NAB2: variants seen among roughly 807,000 people sequenced by gnomAD.
NAB2 encodes NGFI-A binding protein 2.
In NAB2, 9 loss-of-function variants were observed where a neutral mutation model predicts 44.2. The ratio of observed to expected loss-of-function variants is 0.20; its 90% confidence interval spans 0.12 to 0.36. The LOEUF (loss-of-function observed/expected upper bound fraction) is 0.36. Among genes scored for constraint, NAB2 ranks in the 10% least tolerant of loss-of-function variants. The probability of loss-of-function intolerance (pLI) is 1.00; values close to 1 mark genes in which losing one functional copy is unlikely to be tolerated. For missense variants in NAB2, 514 were observed against 709.0 expected (o/e 0.73, Z 3.12); for synonymous variants, 342 against 291.0 (o/e 1.18, Z -1.78).
At chr12:57,093,342 A>G (rs1352411506) in intron 5 of NAB2, 65 bp from the exon 6 acceptor site, 3 of 1,469,600 alleles carry the variant, frequency 2.0e-6, no homozygotes, top group Middle Eastern at 1.8e-4. Context: ...TGGGCTGGCT[A>G]TGTGGTTGAG....
chr12:57,091,317 G>A lies in NAB2; in HGVS notation c.276G>A (p.Lys92=). ...EIMALVGMAT[K]PLHVRRLQKA... is the part of the protein sequence containing the mutation. ...TGGCACTTGTGGGCATGGCCACCAA[G>A]CCCCTCCATGTCCGGCGCCTGCAGA... The change falls in exon 2 of 7, where the codon AAG becomes AAA. Residue 92 remains lysine (K), a synonymous_variant. Coordinates refer to ENST00000300131, the MANE Select transcript of NAB2 (RefSeq NM_005967.4). The surrounding 1 kb of genome is among the most constrained non-coding windows in gnomAD (Gnocchi z 7.3). 4 of 1,612,538 alleles carry A rather than the reference G, an allele frequency of 2.5e-6. No individual in the cohort carries two copies. Among genetic ancestry groups the A allele is most frequent in the Non-Finnish European group, 3.4e-6 (4 of 1,178,618 alleles).
Position 57,091,088 on chromosome 12 carries a change from G to C in NAB2, c.84-37G>C, listed in dbSNP as rs747017569. On this transcript the variant is annotated intron_variant, in intron 1 of 6. Coordinates refer to ENST00000300131, the MANE Select transcript of NAB2 (RefSeq NM_005967.4). The surrounding 1 kb of genome is among the most constrained non-coding windows in gnomAD (Gnocchi z 7.3). ...GGGTTGGTACCCAGTAGGGGGACTT[G>C]CACCGACTGCCTCTCTCTTGTGCCC... 8 of 1,484,800 alleles carry C rather than the reference G, an allele frequency of 5.4e-6. No individual in the cohort carries two copies. Among genetic ancestry groups the C allele is most frequent in the South Asian group, 2.7e-5 (2 of 72,936 alleles). 92.0% of individuals were successfully genotyped at this position (1,484,800 alleles called of 1,614,324 possible). A position where few individuals can be genotyped will look rare whatever the true frequency, so the allele number is the denominator to read the frequency against.
At chr12:57,094,501 C>A in intron 6 of NAB2, 111 bp from the exon 7 acceptor site, 1 of 875,300 alleles carries the variant, frequency 1.1e-6, no homozygotes, top group Non-Finnish European at 1.8e-6. Flanking sequence ...ATTCAATAAA[C>A]CTAAACTGAG....
Position 57,091,726 on chromosome 12 carries a change from G to C in NAB2, c.685G>C (p.Gly229Arg). The change falls in exon 2 of 7, where the codon GGG becomes CGG. Residue 229 changes from glycine (G) to arginine (R), a missense_variant. Gly to Arg is a moderately radical substitution (Grantham distance 125). Transcript: ENST00000300131. This position sits in a 1 kb window ranked among gnomAD's most constrained non-coding sequence, Gnocchi z 7.3. ...TGGGGCTGGGGGGCTGGCAGCAGGT[G>C]GGACTGGGGGTGGTCCAGACCGACT... ...GTGAGGLAAG[G>R]TGGGPDRLEP... The C allele has an allele frequency of 6.2e-7, 1 of 1,614,034 alleles. No individual in the cohort carries two copies. Among genetic ancestry groups the C allele is most frequent in the Non-Finnish European group, 8.5e-7 (1 of 1,179,904 alleles).
At chr12:57,090,299 C>T (rs1332733041) in intron 1 of NAB2, among the ~76,000 whole-genome samples, 1 of 152,154 alleles carries the variant, frequency 6.6e-6, no homozygotes, top group Non-Finnish European at 1.5e-5. Context: ...GCCTGACCAA[C>T]ATGGTGAAAC....
At chr12:57,094,193 C>T (rs2033276431) in intron 6 of NAB2, among the ~76,000 whole-genome samples, 1 of 150,466 alleles carries the variant, frequency 6.6e-6, no homozygotes, top group Admixed American at 6.7e-5. Context: ...TCCTGTTCTC[C>T]CTCTGATTTG....
At chr12:57,092,245 G>A in intron 2 of NAB2, 1 of 997,976 alleles carries the variant, frequency 1.0e-6, no homozygotes, top group Non-Finnish European at 1.4e-6. Context: ...CCACAGGAGA[G>A]GAGGAGGCCC....
At position 57,091,418 on chromosome 12, in the gene NAB2, C is replaced by T. The variant is rs1419402398; in HGVS notation, c.377C>T (p.Pro126Leu). ...PVPAVPVSSI[P>L]LFKISETAGT... is the part of the protein sequence containing the mutation. ...CCTGCTGTTCCCGTCTCCAGCATCC[C>T]GCTCTTCAAGATCTCTGAGACTGCG... Residue 126 changes from proline (P) to leucine (L), a missense_variant, in exon 2 of 7, where the codon CCG becomes CTG. Pro to Leu is a moderately conservative substitution (Grantham distance 98, BLOSUM62 -3). Around this residue, in one of 5 missense-constraint regions of NAB2, gnomAD observed 34 missense variants for 130.5 expected, o/e 0.26. Transcript: ENST00000300131. The surrounding 1 kb of genome is among the most constrained non-coding windows in gnomAD (Gnocchi z 7.3). The T allele has an allele frequency of 1.2e-6, 2 of 1,614,104 alleles. No individual in the cohort carries two copies. The highest frequency in any genetic ancestry group is 1.3e-5 in the African/African-American group (1 of 74,950).
In NAB2 at chr12:57,089,218, A is replaced by AGGCGCCGAGCGCCG; in HGVS notation, c.-50_-37dup. On this transcript the variant is annotated 5_prime_UTR_variant, in exon 1 of 7. Transcript: ENST00000300131. ...CGCGGGGAAGAGGGCAGCACGCAGC[A>AGGCGCCGAGCGCCG]GGCGCCGAGCGCCGGGCACCGAGAA... 1 of 1,528,936 alleles carries AGGCGCCGAGCGCCG rather than the reference A, an allele frequency of 6.5e-7. No individual in the cohort carries two copies. Among genetic ancestry groups the AGGCGCCGAGCGCCG allele is most frequent in the East Asian group, 2.4e-5 (1 of 41,124 alleles). The allele number at this position is 1,528,936 out of a possible 1,614,324, so 94.7% of individuals were successfully genotyped here.
rs1314988151 is a variant in NAB2, at chr12:57,091,618, T to G, written c.577T>G (p.Ser193Ala). Reference sequence around the variant, plus strand: ...CTGGCCAGGCCGGAGCACTCCAGAGTCGGACGTTGGGGCAGGAGGAGAAGA... The same window carrying G: ...CTGGCCAGGCCGGAGCACTCCAGAGGCGGACGTTGGGGCAGGAGGAGAAGA... ...RIWPGRSTPE[S>A]DVGAGGEEEA... Residue 193 changes from serine to alanine, a missense_variant, in exon 2 of 7, where the codon TCG becomes GCG. This residue lies in a region of NAB2 where 177 missense variants were observed against 200.5 expected (regional missense o/e 0.88). Coordinates refer to ENST00000300131, the MANE Select transcript of NAB2 (RefSeq NM_005967.4). The surrounding 1 kb of genome is among the most constrained non-coding windows in gnomAD (Gnocchi z 7.3). The G allele has an allele frequency of 3.7e-6, 6 of 1,603,670 alleles. No individual in the cohort carries two copies. Among genetic ancestry groups the G allele is most frequent in the Non-Finnish European group, 5.1e-6 (6 of 1,174,284 alleles).
rs1253512756 is a variant in NAB2, at chr12:57,094,925, G to C, written c.*204G>C. On this transcript the variant is annotated 3_prime_UTR_variant, in exon 7 of 7. Coordinates refer to ENST00000300131, the MANE Select transcript of NAB2 (RefSeq NM_005967.4). Reference sequence around the variant, plus strand: ...TGGAGAGAGGACACAAGGAGGGTGCGTGGTGCCCTCACCCCTGCCCAGAGC... The same window carrying C: ...TGGAGAGAGGACACAAGGAGGGTGCCTGGTGCCCTCACCCCTGCCCAGAGC... 5 of 584,656 alleles carry C rather than the reference G, an allele frequency of 8.6e-6. No homozygotes were observed. 36.2% of individuals were successfully genotyped at this position (584,656 alleles called of 1,614,324 possible). A position where few individuals can be genotyped will look rare whatever the true frequency, so the allele number is the denominator to read the frequency against.
In NAB2 at chr12:57,090,809, C is replaced by T. The variant is rs567901960; in HGVS notation, c.84-316C>T. Among the ~76,000 whole-genome samples the T allele has an allele frequency of 5.3e-4, 81 of 152,342 alleles. 1 individual carries two copies. The highest frequency in any genetic ancestry group is 1.9e-3 in the African/African-American group (78 of 41,578). ...CCAGGTCGGTGCTGGTCAGCCTCAG[C>T]GCTCAAGTTCTTCTTGCCCCAGACC... is the stretch of plus-strand genomic sequence containing the variant. On this transcript the variant is annotated intron_variant, in intron 1 of 6. Coordinates refer to ENST00000300131, the MANE Select transcript of NAB2 (RefSeq NM_005967.4).
Position 57,091,852 on chromosome 12 carries a change from A to C in NAB2, c.811A>C (p.Asn271His). ...AGEVTSLLKL[N>H]KKLARSVGHI... ...GGAGGTCACATCCCTGCTAAAGCTG[A>C]ATAAGAAGCTGGCACGGAGCGTTGG... is the stretch of plus-strand genomic sequence containing the variant. The change falls in exon 2 of 7, where the codon AAT (asparagine) becomes CAT (histidine). Residue 271 changes from asparagine to histidine, a missense_variant. Around this residue, in one of 5 missense-constraint regions of NAB2, gnomAD observed 177 missense variants for 200.5 expected, o/e 0.88. Transcript: ENST00000300131. This position sits in a 1 kb window ranked among gnomAD's most constrained non-coding sequence, Gnocchi z 7.3. 1 of 1,614,184 alleles carries C rather than the reference A, an allele frequency of 6.2e-7. No homozygotes were observed. Among genetic ancestry groups the C allele is most frequent in the Non-Finnish European group, 8.5e-7 (1 of 1,180,006 alleles).
Position 57,089,219 on chromosome 12 carries a change from GGCGCCGA to G in NAB2, c.-46_-40del. On this transcript the variant is annotated 5_prime_UTR_variant, in exon 1 of 7. Coordinates refer to ENST00000300131, the MANE Select transcript of NAB2 (RefSeq NM_005967.4). ...GCGGGGAAGAGGGCAGCACGCAGCA[GGCGCCGA>G]GCGCCGGGCACCGAGAAGGGCAGCC... is the stretch of plus-strand genomic sequence containing the variant. The G allele has an allele frequency of 2.0e-6, 3 of 1,534,906 alleles. No individual in the cohort carries two copies. Among genetic ancestry groups the G allele is most frequent in the Admixed American group, 2.0e-5 (1 of 50,922 alleles).
intron 2 of NAB2, 138 bp from the exon 3 acceptor site, chr12:57,092,310 C>G: frequency 7.7e-7 from 1 of 1,299,496 alleles, no homozygotes; most frequent in Non-Finnish European, 1.1e-6. Context: ...CCTCAGAAAG[C>G]TCCCATGTAG....
chr12:57,094,469 A>C (rs896438738), intron 6 of NAB2, 143 bp from the exon 7 acceptor site: 5 of 704,880 alleles, frequency 7.1e-6, no homozygotes, highest in Non-Finnish European at 1.3e-5. Context: ...CCCCATACAC[A>C]TGCAGTGGGC....
chr12:57,092,370 G>C, intron 2 of NAB2, 78 bp from the exon 3 acceptor site: 1 of 1,562,432 alleles, frequency 6.4e-7, no homozygotes, highest in Non-Finnish European at 8.7e-7. Flanking sequence ...TTGTCCAATG[G>C]TGAAGGGGTG....
intron 2 of NAB2, chr12:57,092,203 C>T: frequency 9.4e-7 from 1 of 1,064,874 alleles, no homozygotes; most frequent in Non-Finnish European, 1.3e-6. Context: ...ACAGGCAGCA[C>T]CGAGCTGTTC....
intron 5 of NAB2, 103 bp downstream of exon 5, chr12:57,093,298 G>A (rs1388872833): frequency 6.8e-7 from 1 of 1,477,706 alleles, no homozygotes; most frequent in Non-Finnish European, 8.9e-7. Context: ...AACAGGGTTG[G>A]GAGACCTGGC....
Sources: allele counts gnomAD v4.1 joint callset (sites outside exome capture counted in the v4.1 genomes callset), GRCh38; gene constraint gnomAD v4.1.1; regional missense constraint gnomAD v4.1.1; non-coding constraint Gnocchi (gnomAD v3.1); transcripts MANE v1.5; gene names NCBI Gene and HGNC (gene_info 2026-07-23, HGNC 2026-07-21).